Variants in PIK3R3 observed in about 807,000 individuals in gnomAD.
PIK3R3 encodes the protein phosphoinositide-3-kinase regulatory subunit 3.
Under a neutral mutation model 62.9 loss-of-function variants are expected in PIK3R3, and 64 were observed. The observed-to-expected ratio is 1.02, with a 90% CI of 0.83 to 1.25. PIK3R3 has a LOEUF of 1.25. PIK3R3 is among the 50% of genes most tolerant of loss of function. PIK3R3 has a pLI of 0.00. For synonymous variants in PIK3R3, 165 were observed against 189.0 expected (o/e 0.87, Z 1.04); for missense variants, 614 against 561.6 (o/e 1.09, Z -0.94).
chr1:46,100,023 G>T (rs1652504198), intron 1 of PIK3R3, among the ~76,000 whole-genome samples: 1 of 152,096 alleles, frequency 6.6e-6, no homozygotes, highest in Admixed American at 6.5e-5. Context: ...ATTACTGGTT[G>T]GTAAAATATT....
At chr1:46,156,090 A>C in the PIK3R3 span, among the ~76,000 whole-genome samples, 1 of 152,200 alleles carries the variant, frequency 6.6e-6, no homozygotes, top group African/African-American at 2.4e-5. Context: ...GTATCTTAAA[A>C]TGTGAAACTA....
In PIK3R3 at chr1:46,066,904, A is replaced by G. The variant is rs1488903694; in HGVS notation, c.495+7T>C. The G allele has an allele frequency of 6.2e-7, 1 of 1,605,666 alleles. No individual in the cohort carries two copies. The highest frequency in any genetic ancestry group is 1.7e-5 in the Admixed American group (1 of 59,948). On this transcript the variant is annotated splice_region_variant and intron_variant, in intron 4 of 9. Coordinates refer to ENST00000262741, the MANE Select transcript of PIK3R3 (RefSeq NM_003629.4). The stretch of plus-strand genomic sequence containing the variant: ...TCAATAGCTAGCAAGGATTTCCATA[A>G]TCATACCTGTTGGTATCTGGACACT...
the PIK3R3 span, among the ~76,000 whole-genome samples, chr1:46,151,122 T>G: frequency 1.7e-3 from 258 of 152,226 alleles, no homozygotes; most frequent in Non-Finnish European, 3.1e-3. Flanking sequence ...CTGGTAAACA[T>G]TTTTTAAAGA....
intron 1 of PIK3R3, among the ~76,000 whole-genome samples, chr1:46,126,303 C>G (rs1398327978): frequency 6.7e-6 from 1 of 150,176 alleles, no homozygotes; most frequent in Non-Finnish European, 1.5e-5. Flanking sequence ...TTTGGGAGGC[C>G]GACTCGGGTG....
the PIK3R3 span, among the ~76,000 whole-genome samples, chr1:46,171,570 G>C: frequency 6.6e-6 from 1 of 152,134 alleles, no homozygotes; most frequent in Non-Finnish European, 1.5e-5. Context: ...GCATTGTGGG[G>C]TTGGAGCTGG....
intron 1 of PIK3R3, among the ~76,000 whole-genome samples, chr1:46,119,042 G>A (rs1654437331): frequency 6.6e-6 from 1 of 151,982 alleles, no homozygotes; most frequent in Non-Finnish European, 1.5e-5. Flanking sequence ...TTTAGGTCAG[G>A]CCCTCCCTGG....
chr1:46,147,476 G>C, the PIK3R3 span, among the ~76,000 whole-genome samples: 2 of 151,720 alleles, frequency 1.3e-5, no homozygotes, highest in Non-Finnish European at 2.9e-5. Context: ...GGAGCGCAGT[G>C]GTGCGATCTC....
rs918087314 is a variant in PIK3R3, at chr1:46,066,180, C to T, written c.496-1G>A. 4.5e-6 allele frequency: 7 copies of T among 1,550,600 alleles called. No individual in the cohort carries two copies. The highest frequency in any genetic ancestry group is 5.3e-6 in the Non-Finnish European group (6 of 1,130,826). On this transcript the variant is annotated splice_acceptor_variant, in intron 4 of 9. Coordinates refer to ENST00000262741, the MANE Select transcript of PIK3R3 (RefSeq NM_003629.4). LOFTEE classifies it high-confidence loss of function. ...TATTATCTTCTTTTACCAACTGATCCTATACAGGTAAAGAAAAAAATAAAG... is the reference window on the plus strand; with the variant it reads ...TATTATCTTCTTTTACCAACTGATCTTATACAGGTAAAGAAAAAAATAAAG...
intron 1 of PIK3R3, among the ~76,000 whole-genome samples, chr1:46,093,474 T>TG (rs1651826636): frequency 6.6e-6 from 1 of 152,210 alleles, no homozygotes. Context: ...AAATAGTAAA[T>TG]GCAATCTTCT....
chr1:46,137,297 G>A (rs1162732606), upstream of PIK3R3, among the ~76,000 whole-genome samples: 2 of 152,176 alleles, frequency 1.3e-5, no homozygotes, highest in Non-Finnish European at 2.9e-5. Flanking sequence ...ATTCATAGAG[G>A]AGGGACCAAC....
rs1647011125 is a variant in PIK3R3 at position 46,042,281 on chromosome 1, A to G, written c.*1392T>C. On this transcript the variant is annotated 3_prime_UTR_variant, in exon 10 of 10. Transcript: ENST00000262741. This position sits in a 1 kb window ranked among gnomAD's most constrained non-coding sequence, Gnocchi z 4.3. ...GCAGAAGATTCCTGGCCTAAAATCAAGGCCACTGGAGCAGGAGGGCAGACT... is the reference window on the plus strand; with the variant it reads ...GCAGAAGATTCCTGGCCTAAAATCAGGGCCACTGGAGCAGGAGGGCAGACT... 4.4e-6 allele frequency: 1 copy of G among 228,604 alleles called. No individual in the cohort carries two copies. Among genetic ancestry groups the G allele is most frequent in the Non-Finnish European group, 8.7e-6 (1 of 115,210 alleles). 14.2% of individuals were successfully genotyped at this position (228,604 alleles called of 1,614,324 possible).
At chr1:46,089,161 G>C (rs780275591) in intron 1 of PIK3R3, among the ~76,000 whole-genome samples, 33 of 152,150 alleles carry the variant, frequency 2.2e-4, no homozygotes, top group Non-Finnish European at 4.4e-4. Context: ...AAACCAGGCG[G>C]TGTAAAATGC....
At chr1:46,091,077 G>A (rs921400326) in intron 1 of PIK3R3, among the ~76,000 whole-genome samples, 5 of 151,330 alleles carry the variant, frequency 3.3e-5, no homozygotes, top group Admixed American at 6.6e-5. Context: ...TCATCTTCTC[G>A]CCTCACCCTC....
At chr1:46,142,394 A>G in the PIK3R3 span, among the ~76,000 whole-genome samples, 2 of 152,222 alleles carry the variant, frequency 1.3e-5, no homozygotes, top group African/African-American at 4.8e-5. Flanking sequence ...TCGCTCTTTG[A>G]GGACATTGAA....
chr1:46,063,039 T>C (rs1458086149), intron 5 of PIK3R3, among the ~76,000 whole-genome samples: 1 of 152,214 alleles, frequency 6.6e-6, no homozygotes, highest in African/African-American at 2.4e-5. Flanking sequence ...AAACGTGAAG[T>C]CTGCCCTCCA....
rs553348127 is a variant in PIK3R3 at position 46,050,437 on chromosome 1, C to A, written c.942-3812G>T. Among the ~76,000 whole-genome samples, 83 of 151,918 alleles carry A rather than the reference C, an allele frequency of 5.5e-4. No individual in the cohort carries two copies. In the South Asian group the frequency reaches 0.012, roughly 21 times the overall value. The stretch of plus-strand genomic sequence containing the variant: ...AAAATTAGCTGGAGGTGGTGGTATG[C>A]GCCTATAATCCCAGCTACTCAGGAG... On this transcript the variant is annotated intron_variant, in intron 7 of 9. Transcript: ENST00000262741.
chr1:46,111,075 AT>A (rs754607540), intron 1 of PIK3R3, among the ~76,000 whole-genome samples: 1 of 152,048 alleles, frequency 6.6e-6, no homozygotes, highest in Non-Finnish European at 1.5e-5. Flanking sequence ...AGCTCTACAC[AT>A]TTCCCTATTA....
Position 46,080,651 on chromosome 1 carries a change from T to C in PIK3R3, c.206A>G (p.Asp69Gly), listed in dbSNP as rs1571435699. Residue 69 changes from aspartate to glycine, a missense_variant, in exon 2 of 10, where the codon GAT becomes GGT. Physicochemically the swap from Asp to Gly is moderately conservative, Grantham distance 94. Coordinates refer to ENST00000262741, the MANE Select transcript of PIK3R3 (RefSeq NM_003629.4). ...GTAGCATTCTAGTTACCTTGAAATATCCCCCCAGTACCATTCTGCATCCTG... is the reference window on the plus strand; with the variant it reads ...GTAGCATTCTAGTTACCTTGAAATACCCCCCCAGTACCATTCTGCATCCTG... The part of the protein sequence containing the change: ...SLQDAEWYWG[D>G]ISREEVNDKL... 2 of 1,592,444 alleles carry C rather than the reference T, an allele frequency of 1.3e-6. No homozygotes were observed. The highest frequency in any genetic ancestry group is 1.3e-5 in the African/African-American group (1 of 74,328).
At chr1:46,114,083 G>A (rs1331113812) in intron 1 of PIK3R3, among the ~76,000 whole-genome samples, 1 of 152,166 alleles carries the variant, frequency 6.6e-6, no homozygotes, top group Non-Finnish European at 1.5e-5. Context: ...ACAGTAAACA[G>A]CAACGTATAG....
Sources: gnomAD v4.1 joint callset for allele counts (sites outside exome capture counted in the v4.1 genomes callset) on GRCh38, gnomAD v4.1.1 for gene constraint, Gnocchi (gnomAD v3.1) non-coding constraint, MANE v1.5 for transcripts, NCBI Gene and HGNC (gene_info 2026-07-23, HGNC 2026-07-21) for gene names.